Variants in GRIN2B observed in about 807,000 individuals in gnomAD.
GRIN2B encodes glutamate ionotropic receptor NMDA type subunit 2B, also known as glutamate receptor ionotropic, NMDA 2B.
Under a neutral mutation model 114.5 loss-of-function variants are expected in GRIN2B, and 5 were observed. The ratio of observed to expected loss-of-function variants is 0.04; its 90% CI spans 0.02 to 0.09. The LOEUF is 0.09. Among genes scored for constraint, GRIN2B ranks in the 10% least tolerant of loss-of-function variants. GRIN2B has a pLI of 1.00. For synonymous variants in GRIN2B, 787 were observed against 745.1 expected, an observed-to-expected ratio of 1.06 and a Z score of -0.92; for missense variants, 1,108 against 1,943.5, an observed-to-expected ratio of 0.57 and a Z score of 8.08.
At chr12:13,710,771 G>T (rs1950406574) in intron 4 of GRIN2B, among the ~76,000 whole-genome samples, 1 of 152,142 alleles carries the variant, frequency 6.6e-6, no homozygotes, top group African/African-American at 2.4e-5. Context: ...TGGGTAGGAA[G>T]AATCAATACT....
chr12:13,724,573 T>C (rs538134064), intron 4 of GRIN2B, among the ~76,000 whole-genome samples: 9 of 152,102 alleles, frequency 5.9e-5, no homozygotes, highest in African/African-American at 2.2e-4. Flanking sequence ...ATTAAGAAGG[T>C]GGGAATGTTA....
chr12:13,915,134 T>C, intron 2 of GRIN2B, among the ~76,000 whole-genome samples: 1 of 152,222 alleles, frequency 6.6e-6, no homozygotes, highest in South Asian at 2.1e-4. Flanking sequence ...TCTTTATGCA[T>C]TATATGAATG....
At chr12:13,833,820 A>G (rs12823775) in intron 3 of GRIN2B, among the ~76,000 whole-genome samples, 2 of 152,088 alleles carry the variant, frequency 1.3e-5, no homozygotes, top group Non-Finnish European at 2.9e-5. Context: ...CACAGCAGGT[A>G]TCACAGGTCC....
intron 10 of GRIN2B, among the ~76,000 whole-genome samples, chr12:13,587,336 T>G (rs1212408268): frequency 6.6e-6 from 1 of 150,860 alleles, no homozygotes; most frequent in Non-Finnish European, 1.5e-5. Flanking sequence ...TTTCTTTTCT[T>G]TTTATTTCTT....
At chr12:13,789,943 G>A (rs1364921296) in intron 3 of GRIN2B, among the ~76,000 whole-genome samples, 1 of 152,118 alleles carries the variant, frequency 6.6e-6, no homozygotes, top group East Asian at 1.9e-4. Context: ...GAGGTGAATT[G>A]GAAGTAGATT....
intron 12 of GRIN2B, 86 bp from the exon 13 acceptor site, chr12:13,567,349 A>G (rs1246644300): frequency 2.4e-6 from 2 of 840,170 alleles, no homozygotes; most frequent in Admixed American, 4.0e-5. Context: ...GTATTGAGCA[A>G]GAAAGAGAAA....
At chr12:13,764,188 A>G (rs1863733617) in intron 3 of GRIN2B, among the ~76,000 whole-genome samples, 1 of 151,910 alleles carries the variant, frequency 6.6e-6, no homozygotes. Flanking sequence ...CATACCAAAA[A>G]AAAAAAAAAA....
intron 3 of GRIN2B, among the ~76,000 whole-genome samples, chr12:13,862,664 AAAAACAAAAC>A (rs1865768848): frequency 6.6e-6 from 1 of 152,202 alleles, no homozygotes; most frequent in Admixed American, 6.5e-5. Context: ...CTTCTATTAA[AAAAACAAAAC>A]AAAACAAAAA....
At chr12:13,759,696 A>G (rs995666376) in intron 3 of GRIN2B, among the ~76,000 whole-genome samples, 3 of 152,210 alleles carry the variant, frequency 2.0e-5, no homozygotes, top group Non-Finnish European at 4.4e-5. Flanking sequence ...AGCATGCTCA[A>G]TGGTACCACT....
intron 3 of GRIN2B, among the ~76,000 whole-genome samples, chr12:13,824,633 T>G (rs1591752532): frequency 2.6e-5 from 4 of 152,038 alleles, no homozygotes; most frequent in South Asian, 4.1e-4. Flanking sequence ...GGCAGGCGGA[T>G]CACAAGGTCA....
chr12:13,947,263 G>T (rs1291704960), intron 2 of GRIN2B, among the ~76,000 whole-genome samples: 1 of 152,152 alleles, frequency 6.6e-6, no homozygotes, highest in Non-Finnish European at 1.5e-5. Context: ...GAGGTTGCAC[G>T]TATGTATCCC....
intron 4 of GRIN2B, among the ~76,000 whole-genome samples, chr12:13,727,723 G>A (rs1342928087): frequency 6.6e-6 from 1 of 152,188 alleles, no homozygotes; most frequent in Non-Finnish European, 1.5e-5. Flanking sequence ...TTCTCAAGGT[G>A]GGAGGACCTG....
intron 3 of GRIN2B, among the ~76,000 whole-genome samples, chr12:13,827,678 G>A (rs1422451763): frequency 1.5e-5 from 2 of 130,458 alleles, no homozygotes; most frequent in African/African-American, 5.8e-5. Flanking sequence ...TTTATAACAC[G>A]TCTTTCTTTG....
intron 3 of GRIN2B, among the ~76,000 whole-genome samples, chr12:13,799,403 A>G (rs1453122289): frequency 1.3e-5 from 2 of 152,096 alleles, no homozygotes; most frequent in African/African-American, 2.4e-5. Flanking sequence ...TCACATTTCT[A>G]GGGACTGTCA....
chr12:13,647,429 A>T (rs1392034776), intron 5 of GRIN2B, among the ~76,000 whole-genome samples: 1 of 152,088 alleles, frequency 6.6e-6, no homozygotes, highest in Non-Finnish European at 1.5e-5. Flanking sequence ...CCAATCCACC[A>T]TGTTGCTTTT....
At chr12:13,721,951 G>A (rs1204239425) in intron 4 of GRIN2B, among the ~76,000 whole-genome samples, 3 of 152,084 alleles carry the variant, frequency 2.0e-5, no homozygotes, top group South Asian at 2.1e-4. Context: ...GTGTAGCTTC[G>A]TGAATATCAA....
At chr12:13,619,589 G>A (rs1016217833) in intron 5 of GRIN2B, among the ~76,000 whole-genome samples, 1 of 152,168 alleles carries the variant, frequency 6.6e-6, no homozygotes, top group African/African-American at 2.4e-5. Flanking sequence ...CTTACTTCAA[G>A]TCCATTCATT....
rs117902460 is a variant in GRIN2B, at chr12:13,831,674, C to T, written c.411+34124G>A. Among the ~76,000 whole-genome samples, 1,002 of 152,322 alleles carry T rather than the reference C, an allele frequency of 6.6e-3. 6 individuals carry two copies. The highest frequency in any genetic ancestry group is 0.01 in the South Asian group (50 of 4,826). ...GTGGGGGAGCCCGGTAACTGCCACCCACAATTCCCTCTAGACCAATGTCAT... is the reference window on the plus strand; with the variant it reads ...GTGGGGGAGCCCGGTAACTGCCACCTACAATTCCCTCTAGACCAATGTCAT... On this transcript the variant is annotated intron_variant, in intron 3 of 13. Coordinates refer to ENST00000609686, the MANE Select transcript of GRIN2B (RefSeq NM_000834.5).
intron 10 of GRIN2B, among the ~76,000 whole-genome samples, chr12:13,585,279 C>CGGA: frequency 6.6e-6 from 1 of 152,236 alleles, no homozygotes; most frequent in Admixed American, 6.5e-5. Flanking sequence ...CTCCGCCAGG[C>CGGA]GGAGGCCAGG....
Sources: allele counts gnomAD v4.1 joint callset (sites outside exome capture counted in the v4.1 genomes callset), GRCh38; gene constraint gnomAD v4.1.1; transcripts MANE v1.5; gene names NCBI Gene and HGNC (gene_info 2026-07-23, HGNC 2026-07-21).